Variants in IL10RB observed in about 807,000 individuals in gnomAD.
IL10RB encodes interleukin 10 receptor subunit beta, also known as interleukin-10 receptor subunit beta.
A neutral mutation model predicts 38.7 loss-of-function variants in IL10RB; 30 were observed. The ratio of observed to expected loss-of-function variants is 0.78; its 90% CI spans 0.58 to 1.05. The LOEUF (loss-of-function observed/expected upper bound fraction) is 1.05, where lower values mean the gene tolerates loss of function less well. Among genes scored for constraint, IL10RB ranks in the 50% least tolerant of loss-of-function variants. The probability of loss-of-function intolerance (pLI) is 0.00; values close to 1 mark genes in which losing one functional copy is unlikely to be tolerated. For synonymous variants in IL10RB, 142 were observed against 145.9 expected (o/e 0.97, Z 0.19); for missense variants, 328 against 397.1 (o/e 0.83, Z 1.48).
At chr21:33,302,980 G>A (rs923264131) in intron 1 of IL10RB, among the ~76,000 whole-genome samples, 3 of 152,190 alleles carry the variant, frequency 2.0e-5, no homozygotes, top group African/African-American at 7.2e-5. Context: ...GGAGGGAGCT[G>A]CGGTCAAGGT....
At chr21:33,267,439 T>C (rs1018490990) in intron 1 of IL10RB, among the ~76,000 whole-genome samples, 6 of 151,928 alleles carry the variant, frequency 3.9e-5, no homozygotes, top group Non-Finnish European at 5.9e-5. Flanking sequence ...ACTTTTCTAC[T>C]TGCATGTAGG....
At chr21:33,306,423 T>C (rs2082998994) in intron 1 of IL10RB, among the ~76,000 whole-genome samples, 1 of 152,240 alleles carries the variant, frequency 6.6e-6, no homozygotes, top group Non-Finnish European at 1.5e-5. Flanking sequence ...ATAATTTTCA[T>C]TACATTTTTA....
At chr21:33,303,567 C>G (rs1203132809) in intron 1 of IL10RB, among the ~76,000 whole-genome samples, 1 of 152,082 alleles carries the variant, frequency 6.6e-6, no homozygotes, top group Non-Finnish European at 1.5e-5. Context: ...GTTGGCCAGG[C>G]TGGTATCGAA....
chr21:33,296,257 A>G lies in IL10RB; in HGVS notation c.878A>G (p.Asp293Gly). Residue 293 changes from aspartate (D) to glycine (G), a missense_variant, in exon 7 of 7, where the codon GAC (aspartate) becomes GGC (glycine). Coordinates refer to ENST00000290200, the MANE Select transcript of IL10RB (RefSeq NM_000628.5). Reference protein sequence around the residue: ...FPLSDENDVFDKLSVIAEDSE... With the variant: ...FPLSDENDVFGKLSVIAEDSE... The stretch of plus-strand genomic sequence containing the variant: ...TTGTCGGATGAGAATGATGTTTTTG[A>G]CAAGCTAAGTGTCATTGCAGAAGAC... 6.2e-7 allele frequency: 1 copy of G among 1,614,090 alleles called. No individual in the cohort carries two copies. Among genetic ancestry groups the G allele is most frequent in the Non-Finnish European group, 8.5e-7 (1 of 1,179,984 alleles).
chr21:33,282,823 G>A (rs568463581), intron 4 of IL10RB, among the ~76,000 whole-genome samples: 14 of 152,120 alleles, frequency 9.2e-5, no homozygotes, highest in South Asian at 2.1e-4. Context: ...CAACACACCC[G>A]GCCTGCTTTA....
intron 1 of IL10RB, among the ~76,000 whole-genome samples, chr21:33,305,111 G>A (rs2082995710): frequency 6.6e-6 from 1 of 152,072 alleles, no homozygotes; most frequent in Non-Finnish European, 1.5e-5. Context: ...GTCTTCAACT[G>A]TTTTTGTTGT....
chr21:33,268,601 G>A (rs1166519867), intron 2 of IL10RB, 84 bp downstream of exon 2: 4 of 946,582 alleles, frequency 4.2e-6, no homozygotes, highest in East Asian at 4.8e-5. Flanking sequence ...AGGAGGAAGG[G>A]AGTCTGACTA....
At chr21:33,279,601 CCTT>C (rs758072384) in intron 3 of IL10RB, 148 bp from the exon 4 acceptor site, 49 of 707,948 alleles carry the variant, frequency 6.9e-5, no homozygotes, top group Admixed American at 2.2e-4. Context: ...ATCCAACTAC[CCTT>C]CTTAGCCATG....
In IL10RB at chr21:33,276,479, T is replaced by A; in HGVS notation, c.174-117T>A. ...GTTCTGTTTTGAAGACACGTATTTC[T>A]ATGTTTAACACAGTTTCCACTCCCG... On this transcript the variant is annotated intron_variant, in intron 2 of 6. Transcript: ENST00000290200. 3 of 792,104 alleles carry A rather than the reference T, an allele frequency of 3.8e-6. No homozygotes were observed. The Admixed American group carries it at 5.5e-5, about 15-fold the overall frequency. 49.1% of individuals were successfully genotyped at this position (792,104 alleles called of 1,614,324 possible). A position where few individuals can be genotyped will look rare whatever the true frequency, so the allele number is the denominator to read the frequency against.
intron 6 of IL10RB, among the ~76,000 whole-genome samples, chr21:33,290,966 C>T (rs976233708): frequency 7.9e-5 from 12 of 152,162 alleles, no homozygotes; most frequent in Non-Finnish European, 1.6e-4. Flanking sequence ...AGGATGGTTT[C>T]CTTGGAGGCT....
chr21:33,308,716 T>C (rs1156672791), intron 1 of IL10RB: 2 of 152,188 alleles, frequency 1.3e-5, no homozygotes, highest in Non-Finnish European at 2.9e-5. Context: ...AAGCAATGGC[T>C]CTCAAAGTGT....
intron 1 of IL10RB, among the ~76,000 whole-genome samples, chr21:33,304,911 G>T (rs181556887): frequency 3.7e-4 from 56 of 152,246 alleles, no homozygotes; most frequent in African/African-American, 1.2e-3. Context: ...CATTCAAACA[G>T]CGTTATTTTC....
chr21:33,287,444 G>A (rs551992568), intron 5 of IL10RB, among the ~76,000 whole-genome samples: 14 of 151,988 alleles, frequency 9.2e-5, no homozygotes, highest in East Asian at 7.7e-4. Flanking sequence ...TCACAGCCTC[G>A]ACCTCCCAGG....
At chr21:33,277,524 C>T (rs756657383) in intron 3 of IL10RB, among the ~76,000 whole-genome samples, 3 of 151,818 alleles carry the variant, frequency 2.0e-5, no homozygotes, top group Non-Finnish European at 4.4e-5. Context: ...CACATACAGC[C>T]CTTCAAAACT....
intron 6 of IL10RB, chr21:33,293,936 A>G: frequency 2.1e-6 from 1 of 469,248 alleles, no homozygotes. Context: ...CTTGGGTAAA[A>G]GGTGTTGTGT....
chr21:33,305,749 C>A (rs1437385239), intron 1 of IL10RB, among the ~76,000 whole-genome samples: 2 of 152,214 alleles, frequency 1.3e-5, no homozygotes, highest in Non-Finnish European at 2.9e-5. Context: ...GTCCCCCACC[C>A]TCTGATCTTG....
intron 4 of IL10RB, 87 bp from the exon 5 acceptor site, chr21:33,283,007 G>A (rs575511098): frequency 2.1e-5 from 23 of 1,071,384 alleles, no homozygotes; most frequent in Non-Finnish European, 2.9e-5. Flanking sequence ...AGTCTAAAAC[G>A]GCTATTATCA....
rs1009936586 is a variant in IL10RB, at chr21:33,305,822, A to T, written c.130-3154A>T. On this transcript the variant is annotated intron_variant, in intron 1 of 1. Transcript: ENST00000609556. Reference sequence around the variant, plus strand: ...AGAGGGTAAAGGACTCTGCTGATGAATTTTTTTTTAATTTTTAATATTTTT... The same window carrying T: ...AGAGGGTAAAGGACTCTGCTGATGATTTTTTTTTTAATTTTTAATATTTTT... Among the ~76,000 whole-genome samples the T allele has an allele frequency of 4.0e-5, 6 of 151,342 alleles. No homozygotes were observed. In the South Asian group the frequency reaches 6.3e-4, roughly 16 times the overall value.
At chr21:33,273,081 G>C (rs1989109314) in intron 2 of IL10RB, among the ~76,000 whole-genome samples, 1 of 152,172 alleles carries the variant, frequency 6.6e-6, no homozygotes, top group South Asian at 2.1e-4. Context: ...CAGTTTTGCT[G>C]TGTGAACGTC....
Sources: gnomAD v4.1 joint callset for allele counts (sites outside exome capture counted in the v4.1 genomes callset) on GRCh38, gnomAD v4.1.1 for gene constraint, MANE v1.5 for transcripts, NCBI Gene and HGNC (gene_info 2026-07-23, HGNC 2026-07-21) for gene names.